The following FAT2 variants were observed in gnomAD, a reference collection of about 807,000 sequenced individuals.
FAT2 encodes protocadherin Fat 2.
In FAT2, 150 loss-of-function variants were observed where a neutral mutation model predicts 295.3. The ratio of observed to expected loss-of-function variants is 0.51; its 90% CI spans 0.44 to 0.58. The LOEUF is 0.58. Among genes scored for constraint, FAT2 ranks in the 20% least tolerant of loss-of-function variants. FAT2 has a pLI of 0.00. For synonymous variants in FAT2, 2,026 were observed against 2,150.3 expected (o/e 0.94, Z 1.60); for missense variants, 4,868 against 5,442.7 (o/e 0.89, Z 3.32).
Position 151,529,194 on chromosome 5 carries a change from C to G in FAT2, c.10010G>C (p.Gly3337Ala), listed in dbSNP as rs1271621498. Residue 3337 changes from glycine (G) to alanine (A), a missense_variant, in exon 15 of 24, where the codon GGT becomes GCT. By Grantham distance (60) the Gly-to-Ala change is moderately conservative. Around this residue, in one of 5 missense-constraint regions of FAT2, gnomAD observed 1,046 missense variants for 1,210.1 expected, o/e 0.86. Coordinates refer to ENST00000261800, the MANE Select transcript of FAT2 (RefSeq NM_001447.3). ...STRVLENALV[G>A]DVILTVSATD... ...GATCCTTACCGTGAGGATGACGTCA[C>G]CCACAAGGGCATTCTCTAAGACCCT... is the stretch of plus-strand genomic sequence containing the variant. 6.2e-7 allele frequency: 1 copy of G among 1,613,956 alleles called. No homozygotes were observed. Among genetic ancestry groups the G allele is most frequent in the East Asian group, 2.2e-5 (1 of 44,890 alleles).
At chr5:151,532,048 A>AG in intron 13 of FAT2, 78 bp from the exon 14 acceptor site, 3 of 1,552,894 alleles carry the variant, frequency 1.9e-6, no homozygotes, top group Non-Finnish European at 2.6e-6. Context: ...CTGCAGCCAC[A>AG]GGAGGGGCTG....
chr5:151,529,333 T>C lies in FAT2; in HGVS notation c.9871A>G (p.Ile3291Val). 6.2e-7 allele frequency: 1 copy of C among 1,614,114 alleles called. No individual in the cohort carries two copies. The highest frequency in any genetic ancestry group is 8.5e-7 in the Non-Finnish European group (1 of 1,180,012). Residue 3291 changes from isoleucine (I) to valine (V), a missense_variant, in exon 15 of 24, where the codon ATT (isoleucine) becomes GTT (valine). Coordinates refer to ENST00000261800, the MANE Select transcript of FAT2 (RefSeq NM_001447.3). ...GAGGAGCTCTTCCGGCTGCACTCAATGGACAGGAAGTACTTGGGGCTTGTC... is the reference window on the plus strand; with the variant it reads ...GAGGAGCTCTTCCGGCTGCACTCAACGGACAGGAAGTACTTGGGGCTTGTC... ...FETSPKYFLS[I>V]ECSRKSSSSL... is the part of the protein sequence containing the mutation.
chr5:151,509,907 A>G, intron 22 of FAT2, 114 bp downstream of exon 22: 1 of 1,261,790 alleles, frequency 7.9e-7, no homozygotes, highest in Non-Finnish European at 1.1e-6. Context: ...AAGGCCTAGA[A>G]GCCAGGTCCC....
intron 12 of FAT2, among the ~76,000 whole-genome samples, chr5:151,536,147 G>A (rs957082688): frequency 6.6e-6 from 1 of 151,960 alleles, no homozygotes; most frequent in African/African-American, 2.4e-5. Flanking sequence ...TCATGCAGAT[G>A]TTCCAGTTTC....
In FAT2 at chr5:151,566,711, C is replaced by T. The variant is rs940602916; in HGVS notation, c.2221G>A (p.Asp741Asn). The part of the protein sequence containing the change: ...NTPLARLAAT[D>N]PDAGFNGKLV... Reference sequence around the variant, plus strand: ...TTGCCATTAAAACCAGCATCAGGGTCAGTGGCTGCTAGGCGGGCCAAGGGG... The same window carrying T: ...TTGCCATTAAAACCAGCATCAGGGTTAGTGGCTGCTAGGCGGGCCAAGGGG... The change falls in exon 2 of 24, where the codon GAC becomes AAC. Residue 741 changes from aspartate to asparagine, a missense_variant. Asp to Asn is a conservative substitution (Grantham distance 23). This residue lies in a region of FAT2 where 3,297 missense variants were observed against 3,669.4 expected (regional missense o/e 0.90). Coordinates refer to ENST00000261800, the MANE Select transcript of FAT2 (RefSeq NM_001447.3). 4 of 1,614,046 alleles carry T rather than the reference C, an allele frequency of 2.5e-6. No homozygotes were observed. The African/African-American group carries it at 5.3e-5, about 22-fold the overall frequency.
At chr5:151,582,421 T>G (rs893003981) in intron 1 of FAT2, among the ~76,000 whole-genome samples, 2 of 152,188 alleles carry the variant, frequency 1.3e-5, no homozygotes, top group African/African-American at 4.8e-5. Context: ...CATTAGGAAT[T>G]CCCTGAGGGG....
chr5:151,579,379 T>C (rs1758860154), intron 1 of FAT2, among the ~76,000 whole-genome samples: 2 of 152,054 alleles, frequency 1.3e-5, no homozygotes, highest in African/African-American at 4.8e-5. Context: ...TGAGACCAGC[T>C]TAGGCAACAT....
chr5:151,589,196 G>C (rs1336451825), intron 1 of FAT2, among the ~76,000 whole-genome samples: 1 of 152,104 alleles, frequency 6.6e-6, no homozygotes, highest in African/African-American at 2.4e-5. Context: ...TATCCAGGGG[G>C]TACAGGCATG....
Position 151,568,424 on chromosome 5 carries a change from C to T in FAT2, c.508G>A (p.Val170Met), listed in dbSNP as rs1278222147. 3.1e-6 allele frequency: 5 copies of T among 1,614,212 alleles called. No homozygotes were observed. Among genetic ancestry groups the T allele is most frequent in the Admixed American group, 1.7e-5 (1 of 60,030 alleles). Residue 170 changes from valine (V) to methionine (M), a missense_variant, in exon 2 of 24, where the codon GTG becomes ATG. Val to Met is a conservative substitution (Grantham distance 21). Around this residue, in one of 5 missense-constraint regions of FAT2, gnomAD observed 3,297 missense variants for 3,669.4 expected, o/e 0.90. Coordinates refer to ENST00000261800, the MANE Select transcript of FAT2 (RefSeq NM_001447.3). ...DMPLKSPICK[V>M]TATDADLGQN... Reference sequence around the variant, plus strand: ...CCTAGATCAGCATCTGTGGCAGTCACCTTGCAGATGGGGCTCTTCAGGGGC... The same window carrying T: ...CCTAGATCAGCATCTGTGGCAGTCATCTTGCAGATGGGGCTCTTCAGGGGC...
chr5:151,544,710 A>G lies in FAT2; in HGVS notation c.6417T>C (p.Tyr2139=), dbSNP rs1554129613. Residue 2139 remains tyrosine, a synonymous_variant, in exon 10 of 24, where the codon TAT becomes TAC. Coordinates refer to ENST00000261800, the MANE Select transcript of FAT2 (RefSeq NM_001447.3). ...CATCCCGAGCAATGACTTTGAGGTG[A>G]TATTTATTTAAAGCTTGATAATCAA... ...KPFDYQALNK[Y]HLKVIARDGG... 1 of 1,614,008 alleles carries G rather than the reference A, an allele frequency of 6.2e-7. No homozygotes were observed. The highest frequency in any genetic ancestry group is 8.5e-7 in the Non-Finnish European group (1 of 1,180,028).
chr5:151,568,998 G>A, intron 1 of FAT2, 47 bp from the exon 2 acceptor site: 2 of 1,497,078 alleles, frequency 1.3e-6, no homozygotes, highest in South Asian at 2.7e-5. Flanking sequence ...GGAAAAAATG[G>A]TTTCTACTGC....
In FAT2 at chr5:151,545,309, T is replaced by G; in HGVS notation, c.5818A>C (p.Thr1940Pro). 1 of 1,614,134 alleles carries G rather than the reference T, an allele frequency of 6.2e-7. No homozygotes were observed. The highest frequency in any genetic ancestry group is 8.5e-7 in the Non-Finnish European group (1 of 1,180,020). ...PAFLGLSRKL[T>P]IRASDGLYQD... Reference sequence around the variant, plus strand: ...TACAAGCCATCAGAAGCCCTGATGGTGAGCTTCCGAGAGAGTCCCAGGAAA... The same window carrying G: ...TACAAGCCATCAGAAGCCCTGATGGGGAGCTTCCGAGAGAGTCCCAGGAAA... The change falls in exon 10 of 24, where the codon ACC (threonine) becomes CCC (proline). Residue 1940 changes from threonine to proline, a missense_variant. By Grantham distance (38) the Thr-to-Pro change is conservative. Coordinates refer to ENST00000261800, the MANE Select transcript of FAT2 (RefSeq NM_001447.3).
intron 22 of FAT2, 182 bp downstream of exon 22, chr5:151,509,839 C>A: frequency 1.5e-6 from 1 of 646,136 alleles, no homozygotes; most frequent in African/African-American, 1.8e-5. Context: ...AAAGTGTCTT[C>A]CATGAAACCG....
At chr5:151,550,333 A>G (rs1757074227) in intron 8 of FAT2, among the ~76,000 whole-genome samples, 1 of 152,158 alleles carries the variant, frequency 6.6e-6, no homozygotes, top group African/African-American at 2.4e-5. Context: ...GCAGGGAGAG[A>G]GCTCTTGGGA....
chr5:151,569,752 A>T (rs548918713), intron 1 of FAT2, among the ~76,000 whole-genome samples: 9 of 152,354 alleles, frequency 5.9e-5, no homozygotes, highest in African/African-American at 2.2e-4. Context: ...AAGTTTAGCT[A>T]TCTGGTTCTA....
intron 12 of FAT2, among the ~76,000 whole-genome samples, chr5:151,536,287 A>G (rs1213606510): frequency 6.6e-6 from 1 of 152,170 alleles, no homozygotes; most frequent in Non-Finnish European, 1.5e-5. Flanking sequence ...AGCAGCAGAG[A>G]GAGGTTAAAT....
At position 151,507,233 on chromosome 5, in the gene FAT2, G is replaced by A. The variant is rs368309685; in HGVS notation, c.12438C>T (p.Pro4146=). The A allele has an allele frequency of 1.2e-6, 2 of 1,613,764 alleles. No homozygotes were observed. The stretch of plus-strand genomic sequence containing the variant: ...AAGGGACCGCAGCTGGCGGGAGTCT[G>A]GGGGGCACACTGCAGACCACTGGCC... ...KQRPVVCSVP[P]RLPPAAVPSH... The change falls in exon 23 of 24, where the codon CCC becomes CCT. Residue 4146 remains proline, a synonymous_variant. Coordinates refer to ENST00000261800, the MANE Select transcript of FAT2 (RefSeq NM_001447.3).
intron 4 of FAT2, among the ~76,000 whole-genome samples, chr5:151,555,233 C>T (rs1282905911): frequency 6.6e-6 from 1 of 152,094 alleles, no homozygotes; most frequent in Non-Finnish European, 1.5e-5. Context: ...GAGATTTCCA[C>T]CTGAAATGGT....
At chr5:151,571,125 G>A (rs1486488373) in intron 1 of FAT2, among the ~76,000 whole-genome samples, 2 of 152,080 alleles carry the variant, frequency 1.3e-5, no homozygotes, top group South Asian at 2.1e-4. Flanking sequence ...GCTGCTGTAC[G>A]TTTCCCGCCC....
Sources: allele counts gnomAD v4.1 joint callset (sites outside exome capture counted in the v4.1 genomes callset), GRCh38; gene constraint gnomAD v4.1.1; regional missense constraint gnomAD v4.1.1; transcripts MANE v1.5; gene names NCBI Gene and HGNC (gene_info 2026-07-23, HGNC 2026-07-21).